The following AKT2 variants were observed in gnomAD, a reference collection of about 807,000 sequenced individuals.
AKT2 encodes AKT serine/threonine kinase 2, also known as RAC-beta serine/threonine-protein kinase.
AKT2 carries 16 observed loss-of-function variants against 58.6 expected under a neutral mutation model. That is an observed-to-expected ratio of 0.27 (90% CI 0.18 to 0.41). AKT2 has a LOEUF of 0.41. Ranked by LOEUF, AKT2 falls within the 10% of genes least tolerant of loss-of-function variation. The pLI is 1.00. For synonymous variants in AKT2, 253 were observed against 254.0 expected, an observed-to-expected ratio of 1.00 and a Z score of 0.04; for missense variants, 438 against 661.0, an observed-to-expected ratio of 0.66 and a Z score of 3.70.
chr19:40,284,362 TC>T (rs1246066574), intron 1 of AKT2, among the ~76,000 whole-genome samples: 1 of 151,948 alleles, frequency 6.6e-6, no homozygotes, highest in East Asian at 1.9e-4. Context: ...CTTTCCTCCC[TC>T]CCCTATGGAA....
Position 40,256,979 on chromosome 19 carries a change from C to T in AKT2, c.122G>A (p.Arg41Lys), listed in dbSNP as rs1197293098. The T allele has an allele frequency of 1.9e-6, 3 of 1,614,138 alleles. No homozygotes were observed. The African/African-American group carries it at 4.0e-5, about 22-fold the overall frequency. ...TAGAGTCTGATCAGGGGCCTCGGGC[C>T]TCTCCTTGTACCCAATGAAGGAGCC... ...SDGSFIGYKE[R>K]PEAPDQTLPP... The change falls in exon 3 of 14, where the codon AGG (arginine) becomes AAG (lysine). Residue 41 changes from arginine (R) to lysine (K), a missense_variant. By Grantham distance (26) the Arg-to-Lys change is conservative (BLOSUM62 2). Transcript: ENST00000392038.
intron 9 of AKT2, chr19:40,236,924 TTG>T: frequency 5.5e-6 from 1 of 180,212 alleles, no homozygotes; most frequent in South Asian, 1.1e-4. Context: ...TCCCAGCTAC[TTG>T]CGAGGCTGAG....
Position 40,235,195 on chromosome 19 carries a change from C to T in AKT2, c.1264-48G>A, listed in dbSNP as rs1473803987. On this transcript the variant is annotated intron_variant, in intron 12 of 13. Transcript: ENST00000392038. The surrounding 1 kb of genome is among the most constrained non-coding windows in gnomAD (Gnocchi z 6.3). ...CTCAGGGACCCTGAGGCCAGGAGGCCTCAACCAAGGTCACCACGAGTGGGC... is the reference window on the plus strand; with the variant it reads ...CTCAGGGACCCTGAGGCCAGGAGGCTTCAACCAAGGTCACCACGAGTGGGC... 5 of 1,613,526 alleles carry T rather than the reference C, an allele frequency of 3.1e-6. No individual in the cohort carries two copies. Among genetic ancestry groups the T allele is most frequent in the African/African-American group, 1.3e-5 (1 of 74,856 alleles).
In AKT2 at chr19:40,232,991, G is replaced by GTT. The variant is rs1400892630; in HGVS notation, c.*880_*881insAA. The GTT allele has an allele frequency of 4.4e-6, 1 of 225,098 alleles. No individual in the cohort carries two copies. The highest frequency in any genetic ancestry group is 8.7e-6 in the Non-Finnish European group (1 of 114,314). 13.9% of individuals were successfully genotyped at this position (225,098 alleles called of 1,614,324 possible). A position where few individuals can be genotyped will look rare whatever the true frequency, so the allele number is the denominator to read the frequency against. The stretch of plus-strand genomic sequence containing the variant: ...GCCCAATACTGTCCGGTGTAAGATT[G>GTT]TAACAGCCAAGGCTGGTGGCCCTCC... On this transcript the variant is annotated 3_prime_UTR_variant, in exon 14 of 14. Transcript: ENST00000392038.
intron 4 of AKT2, among the ~76,000 whole-genome samples, chr19:40,246,081 T>C (rs1019083624): frequency 7.2e-5 from 10 of 139,014 alleles, no homozygotes; most frequent in African/African-American, 2.8e-4. Flanking sequence ...CTAATATTCC[T>C]GTTTTTCAAA....
At chr19:40,275,936 C>T (rs1170398660) in intron 1 of AKT2, among the ~76,000 whole-genome samples, 3 of 150,222 alleles carry the variant, frequency 2.0e-5, no homozygotes, top group African/African-American at 4.9e-5. Context: ...CGCTTGAACC[C>T]GGGAGGCGGC....
chr19:40,233,467 C>T lies in AKT2; in HGVS notation c.*405G>A, dbSNP rs1175559278. 2 of 535,042 alleles carry T rather than the reference C, an allele frequency of 3.7e-6. No individual in the cohort carries two copies. Among genetic ancestry groups the T allele is most frequent in the Non-Finnish European group, 7.2e-6 (2 of 277,352 alleles). 33.1% of individuals were successfully genotyped at this position (535,042 alleles called of 1,614,324 possible). ...CAGCACCACTGTCTGCCGGGTGTCG[C>T]GTCCCACCAGAAGGCAGCCTTCGTC... On this transcript the variant is annotated 3_prime_UTR_variant, in exon 14 of 14. Coordinates refer to ENST00000392038, the MANE Select transcript of AKT2 (RefSeq NM_001626.6). This position sits in a 1 kb window ranked among gnomAD's most constrained non-coding sequence, Gnocchi z 4.3.
In AKT2 at chr19:40,242,420, C is replaced by T. The variant is rs1470551814; in HGVS notation, c.441+114G>A. On this transcript the variant is annotated intron_variant, in intron 5 of 13. Transcript: ENST00000392038. The surrounding 1 kb of genome is among the most constrained non-coding windows in gnomAD (Gnocchi z 4.3). ...AAATCACCCCACCCTGCAGGGCAGC[C>T]TTGTCTCTCAGCTGAGCCCCCTGAA... The T allele has an allele frequency of 2.0e-6, 3 of 1,511,686 alleles. No homozygotes were observed. The highest frequency in any genetic ancestry group is 2.7e-6 in the Non-Finnish European group (3 of 1,100,390). 93.6% of individuals were successfully genotyped at this position (1,511,686 alleles called of 1,614,324 possible).
At chr19:40,239,767 T>C (rs1308831422) in intron 7 of AKT2, 1 of 646,654 alleles carries the variant, frequency 1.5e-6, no homozygotes. Context: ...TCCTAACTCA[T>C]AGAGACAGCA....
At position 40,240,124 on chromosome 19, in the gene AKT2, G is replaced by C; in HGVS notation, c.574-14C>G. ...AGCGACTTCATCCTGCAGACAGACT[G>C]CGGGTGAGGGGCTGGTGGGCAACAC... On this transcript the variant is annotated splice_polypyrimidine_tract_variant and intron_variant, in intron 6 of 13. Coordinates refer to ENST00000392038, the MANE Select transcript of AKT2 (RefSeq NM_001626.6). 3 of 1,613,908 alleles carry C rather than the reference G, an allele frequency of 1.9e-6. No homozygotes were observed. Among genetic ancestry groups the C allele is most frequent in the Non-Finnish European group, 2.5e-6 (3 of 1,179,992 alleles).
At chr19:40,236,492 C>T in intron 9 of AKT2, 107 bp from the exon 10 acceptor site, 1 of 1,476,502 alleles carries the variant, frequency 6.8e-7, no homozygotes, top group Non-Finnish European at 9.3e-7. Flanking sequence ...ATCAACCCTC[C>T]CATGCCAGGC....
At chr19:40,273,852 T>C (rs1396322246) in intron 1 of AKT2, among the ~76,000 whole-genome samples, 2 of 152,102 alleles carry the variant, frequency 1.3e-5, no homozygotes, top group African/African-American at 4.8e-5. Context: ...GTCCCTCCCC[T>C]GCTCAGGACC....
At chr19:40,281,527 CTGAAA>C (rs1568578542) in intron 1 of AKT2, among the ~76,000 whole-genome samples, 1 of 152,126 alleles carries the variant, frequency 6.6e-6, no homozygotes, top group Non-Finnish European at 1.5e-5. Flanking sequence ...AGCCTGACCT[CTGAAA>C]AGACTCCAGT....
rs1356722436 is a variant in AKT2 at position 40,230,717 on chromosome 19, T to G, written c.*3155A>C. 1 of 119,064 alleles carries G rather than the reference T, an allele frequency of 8.4e-6. No individual in the cohort carries two copies. Among genetic ancestry groups the G allele is most frequent in the South Asian group, 2.5e-4 (1 of 4,034 alleles). The allele number at this position is 119,064 out of a possible 1,614,324, so 7.4% of individuals were successfully genotyped here. ...GTCTTTTTTAATAGCATGTATCATG[T>G]TTTTTTTTTTTTTATTTTTAGAGAC... On this transcript the variant is annotated 3_prime_UTR_variant, in exon 14 of 14. Coordinates refer to ENST00000392038, the MANE Select transcript of AKT2 (RefSeq NM_001626.6).
At chr19:40,264,623 T>C (rs1976206529) in intron 2 of AKT2, among the ~76,000 whole-genome samples, 1 of 152,008 alleles carries the variant, frequency 6.6e-6, no homozygotes, top group Non-Finnish European at 1.5e-5. Flanking sequence ...GCTGTCCCTC[T>C]CCCTGGGACA....
Position 40,234,991 on chromosome 19 carries a change from C to T in AKT2, c.1366+54G>A, listed in dbSNP as rs1197915662. On this transcript the variant is annotated intron_variant, in intron 13 of 13. Transcript: ENST00000392038. The surrounding 1 kb of genome is among the most constrained non-coding windows in gnomAD (Gnocchi z 4.7). The stretch of plus-strand genomic sequence containing the variant: ...TTGAGAAGTGAGTTAAGAGCAGATC[C>T]CATCCCTCCACCCCTGGGGCAGGCA... The T allele has an allele frequency of 6.8e-7, 1 of 1,480,334 alleles. No homozygotes were observed. Among genetic ancestry groups the T allele is most frequent in the Admixed American group, 1.7e-5 (1 of 59,332 alleles). 91.7% of individuals were successfully genotyped at this position (1,480,334 alleles called of 1,614,324 possible).
Position 40,235,177 on chromosome 19 carries a change from A to T in AKT2, c.1264-30T>A. The T allele has an allele frequency of 6.2e-7, 1 of 1,613,178 alleles. No individual in the cohort carries two copies. The highest frequency in any genetic ancestry group is 8.5e-7 in the Non-Finnish European group (1 of 1,179,188). On this transcript the variant is annotated intron_variant, in intron 12 of 13. Transcript: ENST00000392038. The surrounding 1 kb of genome is among the most constrained non-coding windows in gnomAD (Gnocchi z 6.3). ...GGAGGAGAGGAGCTCAGGCTCAGGG[A>T]CCCTGAGGCCAGGAGGCCTCAACCA...
At chr19:40,285,021 C>T in intron 1 of AKT2, 160 bp downstream of exon 1, 1 of 380,618 alleles carries the variant, frequency 2.6e-6, no homozygotes, top group Admixed American at 4.5e-5. Context: ...CTGGTCCCAC[C>T]GCCCCCGCTC....
At chr19:40,276,541 T>C (rs1414162948) in intron 1 of AKT2, among the ~76,000 whole-genome samples, 2 of 151,634 alleles carry the variant, frequency 1.3e-5, no homozygotes, top group African/African-American at 4.8e-5. Context: ...AATTTTTGTA[T>C]TTTTAGTACA....
Sources: gnomAD v4.1 joint callset for allele counts (sites outside exome capture counted in the v4.1 genomes callset) on GRCh38, gnomAD v4.1.1 for gene constraint, Gnocchi (gnomAD v3.1) non-coding constraint, MANE v1.5 for transcripts, NCBI Gene and HGNC (gene_info 2026-07-23, HGNC 2026-07-21) for gene names.